The following LMBRD1 variants were observed in gnomAD, a reference collection of about 807,000 sequenced individuals.
LMBRD1 encodes lysosomal cobalamin transport escort protein LMBD1.
A neutral mutation model predicts 74.8 loss-of-function variants in LMBRD1; 64 were observed. The observed-to-expected ratio is 0.86, with a 90% confidence interval of 0.70 to 1.05. The LOEUF is 1.05. Ranked by LOEUF, LMBRD1 falls within the 50% of genes least tolerant of loss-of-function variation. The pLI is 0.00. For synonymous variants in LMBRD1, 204 were observed against 216.3 expected (o/e 0.94, Z 0.50); for missense variants, 652 against 645.9 (o/e 1.01, Z -0.10).
intron 7 of LMBRD1, among the ~76,000 whole-genome samples, chr6:69,730,011 A>C (rs1217669686): frequency 6.6e-6 from 1 of 151,968 alleles, no homozygotes; most frequent in Admixed American, 6.6e-5. Context: ...CAAAACTTTT[A>C]TTACTTACTA....
intron 3 of LMBRD1, among the ~76,000 whole-genome samples, chr6:69,762,987 T>C (rs1274860825): frequency 1.3e-5 from 2 of 152,194 alleles, no homozygotes; most frequent in Admixed American, 1.3e-4. Context: ...ATTTTGGTAC[T>C]GAGAAGTGGG....
chr6:69,780,789 A>AG (rs1169366601), intron 2 of LMBRD1, among the ~76,000 whole-genome samples: 1 of 152,230 alleles, frequency 6.6e-6, no homozygotes, highest in African/African-American at 2.4e-5. Context: ...CTCAGACTGA[A>AG]GATGAGGAAT....
rs371734151 is a variant in LMBRD1 at position 69,745,383 on chromosome 6, C to T, written c.474-3506G>A. ...ACGCCATTCTCCTGCCTCAGCCTCC[C>T]GAGTAGCTGGGACTACAGGCGCCCG... On this transcript the variant is annotated intron_variant, in intron 5 of 15. Transcript: ENST00000649934. Among the ~76,000 whole-genome samples, 7 of 151,330 alleles carry T rather than the reference C, an allele frequency of 4.6e-5. 1 individual carries two copies. In the South Asian group the frequency reaches 1.5e-3, roughly 32 times the overall value.
rs1398601479 is a variant in LMBRD1, at chr6:69,729,459, T to C, written c.636+8483A>G. On this transcript the variant is annotated intron_variant, in intron 7 of 15. Transcript: ENST00000649934. The stretch of plus-strand genomic sequence containing the variant: ...CTACAGTAGACTATCTGGTATGTAA[T>C]GACTAAGTCCCAATTCTTTTTCCTC... Among the ~76,000 whole-genome samples, 4 of 152,008 alleles carry C rather than the reference T, an allele frequency of 2.6e-5. No individual in the cohort carries two copies. The East Asian group carries it at 7.7e-4, about 29-fold the overall frequency.
At chr6:69,713,353 C>G (rs1260630999) in intron 9 of LMBRD1, among the ~76,000 whole-genome samples, 1 of 151,994 alleles carries the variant, frequency 6.6e-6, no homozygotes, top group Non-Finnish European at 1.5e-5. Context: ...GCTCTAAGTC[C>G]CAGATCAATT....
At chr6:69,708,876 T>G (rs1479260197) in intron 9 of LMBRD1, among the ~76,000 whole-genome samples, 3 of 152,170 alleles carry the variant, frequency 2.0e-5, no homozygotes, top group Non-Finnish European at 4.4e-5. Context: ...GAGAGCTGTA[T>G]AGAAGGGCAA....
intron 14 of LMBRD1, among the ~76,000 whole-genome samples, chr6:69,684,691 G>T (rs1033941095): frequency 6.6e-6 from 1 of 151,936 alleles, no homozygotes; most frequent in Non-Finnish European, 1.5e-5. Flanking sequence ...ACAATGCATC[G>T]GAAGTCTAAT....
At chr6:69,738,104 T>A in intron 6 of LMBRD1, 89 bp from the exon 7 acceptor site, 3 of 925,450 alleles carry the variant, frequency 3.2e-6, no homozygotes, top group Non-Finnish European at 3.4e-6. Context: ...CTGAGCTGCT[T>A]ACACATTTTG....
intron 9 of LMBRD1, among the ~76,000 whole-genome samples, chr6:69,711,032 T>C (rs935687304): frequency 1.3e-5 from 2 of 152,130 alleles, no homozygotes; most frequent in South Asian, 4.1e-4. Context: ...TTCATTATAG[T>C]CTCAAACCAG....
intron 13 of LMBRD1, 128 bp downstream of exon 13, chr6:69,698,915 A>G: frequency 1.5e-6 from 1 of 661,996 alleles, no homozygotes; most frequent in East Asian, 2.8e-5. Flanking sequence ...ATAAAAAACC[A>G]GTTTTAGCAA....
intron 3 of LMBRD1, among the ~76,000 whole-genome samples, chr6:69,770,734 C>T (rs567034199): frequency 6.6e-6 from 1 of 152,188 alleles, no homozygotes; most frequent in South Asian, 2.1e-4. Context: ...AGATTCCTGC[C>T]CTAGCACAGT....
chr6:69,717,725 G>T (rs1210963769), intron 8 of LMBRD1, among the ~76,000 whole-genome samples: 1 of 152,084 alleles, frequency 6.6e-6, no homozygotes, highest in Non-Finnish European at 1.5e-5. Context: ...ACAGGGTCTT[G>T]CTCCATCATC....
intron 7 of LMBRD1, among the ~76,000 whole-genome samples, chr6:69,737,049 T>C (rs1262066530): frequency 6.6e-6 from 1 of 152,190 alleles, no homozygotes; most frequent in Non-Finnish European, 1.5e-5. Flanking sequence ...TTATACATTA[T>C]GGCACGTGAA....
At position 69,725,812 on chromosome 6, in the gene LMBRD1, G is replaced by A. The variant is rs578009065; in HGVS notation, c.637-6731C>T. ...AAGAAAACATTGGAGAAATTCTCCA[G>A]GACATTGGTCTGGATAAAGCTTCTT... On this transcript the variant is annotated intron_variant, in intron 7 of 15. Transcript: ENST00000649934. 3.0e-4 allele frequency among the ~76,000 whole-genome samples: 46 copies of A among 152,288 alleles called. No individual in the cohort carries two copies. The South Asian group carries it at 8.9e-3, about 29-fold the overall frequency.
At chr6:69,734,090 C>T (rs139355854) in intron 7 of LMBRD1, among the ~76,000 whole-genome samples, 114 of 152,340 alleles carry the variant, frequency 7.5e-4, no homozygotes, top group African/African-American at 2.6e-3. Flanking sequence ...AGCCTCTCCA[C>T]ACCAATTATT....
chr6:69,784,771 A>T (rs1765911301), intron 2 of LMBRD1, among the ~76,000 whole-genome samples: 1 of 152,094 alleles, frequency 6.6e-6, no homozygotes, highest in Non-Finnish European at 1.5e-5. Context: ...TATTACACCC[A>T]ACCCTTTCAC....
intron 3 of LMBRD1, among the ~76,000 whole-genome samples, chr6:69,753,069 T>C (rs542484023): frequency 8.5e-5 from 13 of 152,268 alleles, no homozygotes; most frequent in African/African-American, 3.1e-4. Flanking sequence ...AGATTCAACA[T>C]TAACTGATAG....
chr6:69,771,471 C>A (rs1478062694), intron 3 of LMBRD1, among the ~76,000 whole-genome samples: 1 of 152,186 alleles, frequency 6.6e-6, no homozygotes, highest in East Asian at 1.9e-4. Context: ...CCATCAGCAT[C>A]ATTTTAGCCA....
In LMBRD1 at chr6:69,780,486, ATACT is replaced by A. The variant is rs1765806478; in HGVS notation, c.307+4_307+7del. On this transcript the variant is annotated splice_donor_5th_base_variant and intron_variant, in intron 3 of 15. Transcript: ENST00000649934. ...TCCAAATAGGGAAAGAAACTGAAAGATACTTACTATAGTAACCGTATAATACAGT... is the reference window on the plus strand; with the variant it reads ...TCCAAATAGGGAAAGAAACTGAAAGATACTATAGTAACCGTATAATACAGT... 3.1e-6 allele frequency: 5 copies of A among 1,598,890 alleles called. No individual in the cohort carries two copies. In the East Asian group the frequency reaches 1.1e-4, roughly 36 times the overall value.
Sources: allele counts gnomAD v4.1 joint callset (sites outside exome capture counted in the v4.1 genomes callset), GRCh38; gene constraint gnomAD v4.1.1; transcripts MANE v1.5; gene names NCBI Gene and HGNC (gene_info 2026-07-23, HGNC 2026-07-21).